The following WDR19 variants were observed in gnomAD, a reference collection of about 807,000 sequenced individuals.
The protein encoded by WDR19 is WD repeat-containing protein 19.
Under a neutral mutation model 180.0 loss-of-function variants are expected in WDR19, and 121 were observed. The ratio of observed to expected loss-of-function variants is 0.67; its 90% CI spans 0.58 to 0.78. The LOEUF is 0.78. Among genes scored for constraint, WDR19 ranks in the 30% least tolerant of loss-of-function variants. The probability of loss-of-function intolerance (pLI) is 0.00; values close to 1 mark genes in which losing one functional copy is unlikely to be tolerated. For missense variants in WDR19, 1,450 were observed against 1,640.7 expected (o/e 0.88, Z 2.01); for synonymous variants, 497 against 540.7 (o/e 0.92, Z 1.12).
intron 27 of WDR19, among the ~76,000 whole-genome samples, chr4:39,257,260 T>G (rs1164744208): frequency 6.6e-6 from 1 of 152,186 alleles, no homozygotes; most frequent in East Asian, 1.9e-4. Context: ...GCCTTTTCAT[T>G]TCATCAGGAC....
rs1445634325 is a variant in WDR19 at position 39,203,699 on chromosome 4, C to T, written c.580C>T (p.Arg194Ter). Residue 194 changes from arginine to a stop codon, truncating the protein, a stop_gained, in exon 7 of 37, where the codon CGA becomes TGA. Coordinates refer to ENST00000399820, the MANE Select transcript of WDR19 (RefSeq NM_025132.4). LOFTEE classifies it high-confidence loss of function. ...GTTTTTCTTGATGAAGATGGATGAC[C>T]GAACCTCTGCTGCTGAAAGCATGGT... The part of the protein sequence containing the change: ...MQFFLMKMDD[R>*]TSAAESMISV... 4.3e-6 allele frequency: 7 copies of T among 1,612,344 alleles called. No homozygotes were observed. The highest frequency in any genetic ancestry group is 1.7e-5 in the Admixed American group (1 of 59,864).
chr4:39,232,213 G>T lies in WDR19; in HGVS notation c.2194G>T (p.Asp732Tyr). ...LAGHLAMFTN[D>Y]YNLAQDLYLA... Reference sequence around the variant, plus strand: ...AGGACACCTTGCCATGTTTACCAACGATTATAACCTGGCTCAGGACTTGTA... The same window carrying T: ...AGGACACCTTGCCATGTTTACCAACTATTATAACCTGGCTCAGGACTTGTA... The change falls in exon 19 of 37, where the codon GAT becomes TAT. Residue 732 changes from aspartate to tyrosine, a missense_variant. Physicochemically the swap from Asp to Tyr is radical, Grantham distance 160. Coordinates refer to ENST00000399820, the MANE Select transcript of WDR19 (RefSeq NM_025132.4). 1.2e-6 allele frequency: 2 copies of T among 1,613,618 alleles called. No homozygotes were observed. Among genetic ancestry groups the T allele is most frequent in the Non-Finnish European group, 1.7e-6 (2 of 1,179,780 alleles).
Position 39,194,666 on chromosome 4 carries a change from G to A in WDR19, c.406+7G>A. On this transcript the variant is annotated splice_region_variant and intron_variant, in intron 5 of 36. Coordinates refer to ENST00000399820, the MANE Select transcript of WDR19 (RefSeq NM_025132.4). ...CGAAAGATTCCTGTCCTTGGTAGGT[G>A]ATAGCTGGAAACACTGCTAAATATT... The A allele has an allele frequency of 6.3e-7, 1 of 1,578,758 alleles. No individual in the cohort carries two copies. The highest frequency in any genetic ancestry group is 8.7e-7 in the Non-Finnish European group (1 of 1,150,916).
At chr4:39,225,824 T>TCTTCCCTTTCC (rs1465920559) in intron 15 of WDR19, among the ~76,000 whole-genome samples, 2 of 151,832 alleles carry the variant, frequency 1.3e-5, no homozygotes, top group East Asian at 3.9e-4. Flanking sequence ...CTTCCCTTTC[T>TCTTCCCTTTCC]CTTCCCTTTC....
chr4:39,219,821 A>T (rs1729461706), intron 14 of WDR19, among the ~76,000 whole-genome samples: 1 of 152,182 alleles, frequency 6.6e-6, no homozygotes, highest in Non-Finnish European at 1.5e-5. Flanking sequence ...ATAGCATCTT[A>T]TATTTGTAAA....
Position 39,228,231 on chromosome 4 carries a change from A to G in WDR19, c.1651A>G (p.Ile551Val), listed in dbSNP as rs1473310793. The G allele has an allele frequency of 1.9e-6, 3 of 1,613,044 alleles. No homozygotes were observed. The African/African-American group carries it at 4.0e-5, about 22-fold the overall frequency. ...YCPVNDATYE[I>V]PDFSPTIKGV... ...GTAGGTCAATGACGCTACCTATGAG[A>G]TTCCAGATTTTTCACCAACCATTAA... The change falls in exon 16 of 37, where the codon ATT becomes GTT. Residue 551 changes from isoleucine to valine, a missense_variant. Ile to Val is a conservative substitution (Grantham distance 29). Coordinates refer to ENST00000399820, the MANE Select transcript of WDR19 (RefSeq NM_025132.4).
Position 39,278,659 on chromosome 4 carries a change from T to A in WDR19, c.*9T>A. On this transcript the variant is annotated 3_prime_UTR_variant, in exon 36 of 37. Transcript: ENST00000399820. ...CGGAGGAGGAACTGTGATTGGCACGTGCAGGTGAGTGGCAGAGCGCCCACG... is the reference window on the plus strand; with the variant it reads ...CGGAGGAGGAACTGTGATTGGCACGAGCAGGTGAGTGGCAGAGCGCCCACG... 1 of 1,599,034 alleles carries A rather than the reference T, an allele frequency of 6.3e-7. No individual in the cohort carries two copies. The highest frequency in any genetic ancestry group is 1.7e-5 in the Admixed American group (1 of 59,246).
intron 5 of WDR19, among the ~76,000 whole-genome samples, chr4:39,199,016 A>C (rs949252073): frequency 1.3e-5 from 2 of 150,836 alleles, no homozygotes; most frequent in African/African-American, 4.9e-5. Context: ...AAAAAAAAAG[A>C]ATTAGCTGGG....
chr4:39,273,478 G>A (rs971170290), intron 32 of WDR19: 3 of 165,664 alleles, frequency 1.8e-5, no homozygotes, highest in African/African-American at 7.2e-5. Context: ...CAGCAGCCAG[G>A]AGTTTTATTG....
Position 39,278,190 on chromosome 4 carries a change from A to G in WDR19, c.3900A>G (p.Leu1300=), listed in dbSNP as rs753236230. Residue 1300 remains leucine (L), a synonymous_variant, in exon 35 of 37, where the codon CTA becomes CTG. Transcript: ENST00000399820. ...TVCPHCDFPA[L]YSELKIMLNT... is the part of the protein sequence containing the mutation. ...GTCCACATTGTGACTTCCCTGCTCT[A>G]TACTCAGAATTGAAGATGTAAGTGT... 10 of 1,605,166 alleles carry G rather than the reference A, an allele frequency of 6.2e-6. No homozygotes were observed. The highest frequency in any genetic ancestry group is 2.3e-5 in the South Asian group (2 of 88,540).
intron 24 of WDR19, among the ~76,000 whole-genome samples, chr4:39,250,230 A>G (rs1239096427): frequency 1.3e-5 from 2 of 152,214 alleles, no homozygotes; most frequent in South Asian, 2.1e-4. Flanking sequence ...GTAATCCAGC[A>G]TATAAACAGA....
intron 5 of WDR19, among the ~76,000 whole-genome samples, chr4:39,197,353 G>A (rs1411390745): frequency 1.3e-5 from 2 of 150,800 alleles, no homozygotes; most frequent in African/African-American, 4.9e-5. Flanking sequence ...TTGAACCCAG[G>A]AGGCAGAAGC....
intron 28 of WDR19, among the ~76,000 whole-genome samples, chr4:39,262,309 A>G (rs1448151674): frequency 6.6e-6 from 1 of 152,158 alleles, no homozygotes; most frequent in Non-Finnish European, 1.5e-5. Context: ...AGGTGGCACA[A>G]TCAGAGCTCA....
intron 19 of WDR19, 124 bp downstream of exon 19, chr4:39,232,396 G>A: frequency 1.4e-6 from 1 of 738,414 alleles, no homozygotes; most frequent in Non-Finnish European, 2.2e-6. Flanking sequence ...AGGCCAAGGT[G>A]GATGGATCGC....
At chr4:39,204,742 T>C (rs984370561) in intron 7 of WDR19, among the ~76,000 whole-genome samples, 13 of 152,170 alleles carry the variant, frequency 8.5e-5, no homozygotes, top group African/African-American at 3.1e-4. Context: ...AGCTGGAGTA[T>C]CCACAGGAGT....
At chr4:39,283,065 T>C (rs1288345428) in intron 36 of WDR19, among the ~76,000 whole-genome samples, 2 of 152,248 alleles carry the variant, frequency 1.3e-5, no homozygotes, top group Non-Finnish European at 2.9e-5. Context: ...TTCTCAGTGT[T>C]GGAAGAAGGC....
chr4:39,217,999 T>G lies in WDR19; in HGVS notation c.1373T>G (p.Leu458Trp). ...VQLHLIESEI[L>W]DAQEERETRL... ...ACGTTTTAGATAGAAAGCGAAATCT[T>G]GGATGCTCAAGAAGAACGTGAGACT... is the stretch of plus-strand genomic sequence containing the variant. The change falls in exon 14 of 37, where the codon TTG (leucine) becomes TGG (tryptophan). Residue 458 changes from leucine to tryptophan, a missense_variant. Physicochemically the swap from Leu to Trp is moderately conservative, Grantham distance 61. Transcript: ENST00000399820. The G allele has an allele frequency of 6.2e-7, 1 of 1,613,718 alleles. No individual in the cohort carries two copies.
chr4:39,236,110 C>T (rs546734909), intron 20 of WDR19, among the ~76,000 whole-genome samples: 84 of 152,212 alleles, frequency 5.5e-4, no homozygotes, highest in African/African-American at 1.9e-3. Context: ...AACTATCATT[C>T]GACCCAGTAA....
chr4:39,205,515 T>G (rs1727849885), intron 8 of WDR19, 48 bp from the exon 9 acceptor site: 4 of 1,568,110 alleles, frequency 2.6e-6, no homozygotes, highest in Non-Finnish European at 3.5e-6. Context: ...ATGTTGCCAC[T>G]GATAGCTAAT....
Sources: gnomAD v4.1 joint callset for allele counts (sites outside exome capture counted in the v4.1 genomes callset) on GRCh38, gnomAD v4.1.1 for gene constraint, MANE v1.5 for transcripts, NCBI Gene and HGNC (gene_info 2026-07-23, HGNC 2026-07-21) for gene names.